Variants in PALM2AKAP2 observed in about 807,000 individuals in gnomAD.
PALM2AKAP2 encodes PALM2-AKAP2 fusion protein.
A neutral mutation model predicts 71.5 loss-of-function variants in PALM2AKAP2; 37 were observed. The observed-to-expected ratio is 0.52, with a 90% CI of 0.40 to 0.68. PALM2AKAP2 has a LOEUF of 0.68. Among genes scored for constraint, PALM2AKAP2 ranks in the 30% least tolerant of loss-of-function variants. The probability of loss-of-function intolerance (pLI) is 0.00; values close to 1 mark genes in which losing one functional copy is unlikely to be tolerated. For missense variants in PALM2AKAP2, 1,224 were observed against 1,191.8 expected (o/e 1.03, Z -0.40); for synonymous variants, 468 against 478.8 (o/e 0.98, Z 0.29).
At chr9:109,683,095 T>C (rs1052281534) in intron 1 of PALM2AKAP2, among the ~76,000 whole-genome samples, 1 of 152,298 alleles carries the variant, frequency 6.6e-6, no homozygotes, top group African/African-American at 2.4e-5. Context: ...CCCCGCTTGC[T>C]CCTGCTTTCA....
chr9:109,871,143 G>A (rs1386833691), intron 2 of PALM2AKAP2, among the ~76,000 whole-genome samples: 1 of 152,158 alleles, frequency 6.6e-6, no homozygotes, highest in African/African-American at 2.4e-5. Context: ...TAGAATGCAA[G>A]ATAGTAGTTT....
chr9:109,767,442 C>A (rs1244717136), intron 1 of PALM2AKAP2, among the ~76,000 whole-genome samples: 1 of 152,238 alleles, frequency 6.6e-6, no homozygotes, highest in African/African-American at 2.4e-5. Context: ...ACCCCTACCA[C>A]ACCATTTTGC....
intron 1 of PALM2AKAP2, among the ~76,000 whole-genome samples, chr9:110,116,337 A>G (rs942316116): frequency 7.2e-5 from 11 of 151,972 alleles, no homozygotes; most frequent in African/African-American, 2.7e-4. Flanking sequence ...AAAAAATGGG[A>G]CTCAAATTTA....
chr9:109,972,560 C>T (rs927855877), intron 6 of PALM2AKAP2, among the ~76,000 whole-genome samples: 4 of 152,134 alleles, frequency 2.6e-5, no homozygotes, highest in South Asian at 2.1e-4. Flanking sequence ...TGACCTTTAG[C>T]GTATTCTTCA....
chr9:109,839,233 A>G (rs1326194788), intron 1 of PALM2AKAP2, among the ~76,000 whole-genome samples: 1 of 152,236 alleles, frequency 6.6e-6, no homozygotes, highest in African/African-American at 2.4e-5. Flanking sequence ...GGTTCAACAT[A>G]TGTAAATCAA....
At chr9:109,796,871 TGGGTGGGG>T (rs1277536006) in intron 1 of PALM2AKAP2, among the ~76,000 whole-genome samples, 1 of 152,172 alleles carries the variant, frequency 6.6e-6, no homozygotes, top group Non-Finnish European at 1.5e-5. Context: ...AGATGAGATG[TGGGTGGGG>T]ACACAGAGCC....
chr9:109,643,071 GAGAAAGAA>G (rs145807993), intron 1 of PALM2AKAP2, among the ~76,000 whole-genome samples: 1 of 149,874 alleles, frequency 6.7e-6, no homozygotes, highest in African/African-American at 2.4e-5. Flanking sequence ...AAGAAAGAAA[GAGAAAGAA>G]AGAAAGAAAG....
chr9:110,160,602 G>A (rs1402891593), intron 3 of PALM2AKAP2, among the ~76,000 whole-genome samples: 1 of 152,208 alleles, frequency 6.6e-6, no homozygotes. Context: ...TGACATGACT[G>A]TATTTAGGCA....
intron 7 of PALM2AKAP2, among the ~76,000 whole-genome samples, chr9:110,017,426 T>A (rs565774125): frequency 6.6e-6 from 1 of 152,310 alleles, no homozygotes; most frequent in South Asian, 2.1e-4. Context: ...TTAGCAGAAT[T>A]TGTAAGACAA....
intron 6 of PALM2AKAP2, among the ~76,000 whole-genome samples, chr9:109,985,660 T>C (rs868689881): frequency 2.4e-4 from 36 of 150,912 alleles, no homozygotes; most frequent in South Asian, 8.4e-4. Context: ...TTCTTTCTTT[T>C]TTTTTTTTTT....
chr9:110,024,849 G>C lies in PALM2AKAP2; in HGVS notation c.582+8810G>C, dbSNP rs142703973. ...TGTTTTTTTTTTTTAACAGCCCAGA[G>C]GTCTTTTATTTATTTATTTTTTAAA... On this transcript the variant is annotated intron_variant, in intron 7 of 9. Coordinates refer to the PALM2AKAP2 transcript ENST00000302798. 3.3e-4 allele frequency: 253 copies of C among 757,044 alleles called. 1 individual carries two copies. In the South Asian group the frequency reaches 3.6e-3, roughly 11 times the overall value. The allele number at this position is 757,044 out of a possible 1,614,324, so 46.9% of individuals were successfully genotyped here. A position where few individuals can be genotyped will look rare whatever the true frequency, so the allele number is the denominator to read the frequency against.
intron 2 of PALM2AKAP2, among the ~76,000 whole-genome samples, chr9:109,870,659 G>T (rs1377390556): frequency 6.6e-6 from 1 of 152,194 alleles, no homozygotes; most frequent in Non-Finnish European, 1.5e-5. Flanking sequence ...AAACTCCTGG[G>T]CTGTCTGCTT....
intron 3 of PALM2AKAP2, among the ~76,000 whole-genome samples, chr9:110,165,284 T>TCACACAGACACACA: frequency 7.0e-6 from 1 of 142,270 alleles, no homozygotes; most frequent in Non-Finnish European, 1.5e-5. Context: ...TGCTAGAGAT[T>TCACACAGACACACA]CACACACACA....
intron 7 of PALM2AKAP2, among the ~76,000 whole-genome samples, chr9:110,039,233 A>G (rs1833471720): frequency 6.6e-6 from 1 of 152,142 alleles, no homozygotes; most frequent in African/African-American, 2.4e-5. Context: ...ATAGTGACAG[A>G]GTGAGACCCT....
At chr9:109,911,807 C>T (rs1184628492) in intron 3 of PALM2AKAP2, among the ~76,000 whole-genome samples, 10 of 152,012 alleles carry the variant, frequency 6.6e-5, no homozygotes, top group African/African-American at 9.7e-5. Flanking sequence ...TACAGTAACA[C>T]AAAATATATA....
At chr9:110,002,516 G>T (rs1295900767) in intron 6 of PALM2AKAP2, among the ~76,000 whole-genome samples, 3 of 152,018 alleles carry the variant, frequency 2.0e-5, no homozygotes, top group African/African-American at 7.3e-5. Flanking sequence ...TCTCTGCCAG[G>T]CTTTGGTATC....
At chr9:109,826,131 A>G (rs898171028) in intron 1 of PALM2AKAP2, among the ~76,000 whole-genome samples, 7 of 151,062 alleles carry the variant, frequency 4.6e-5, no homozygotes, top group African/African-American at 7.3e-5. Flanking sequence ...ACCAAACACC[A>G]CATGTTCTCA....
intron 1 of PALM2AKAP2, among the ~76,000 whole-genome samples, chr9:110,102,656 A>C (rs1835027590): frequency 6.6e-6 from 1 of 151,690 alleles, no homozygotes; most frequent in African/African-American, 2.4e-5. Flanking sequence ...CAAGTGAAAC[A>C]GATGCTCAAC....
chr9:109,659,423 C>G (rs760552945), intron 1 of PALM2AKAP2, among the ~76,000 whole-genome samples: 23 of 151,920 alleles, frequency 1.5e-4, no homozygotes, highest in Non-Finnish European at 2.6e-4. Flanking sequence ...TCCCAATACC[C>G]TATCTTTCCA....
Sources: allele counts gnomAD v4.1 joint callset (sites outside exome capture counted in the v4.1 genomes callset), GRCh38; gene constraint gnomAD v4.1.1; transcripts MANE v1.5; gene names NCBI Gene and HGNC (gene_info 2026-07-23, HGNC 2026-07-21).